The following DLEU7 variants were observed in gnomAD, a reference collection of about 807,000 sequenced individuals.
DLEU7 encodes leukemia-associated protein 7.
In DLEU7, 17 loss-of-function variants were observed where a neutral mutation model predicts 16.0. That is an observed-to-expected ratio of 1.06 (90% CI 0.73 to 1.59). The LOEUF is 1.59. DLEU7 is among the 40% of genes most tolerant of loss of function. The probability of loss-of-function intolerance (pLI) is 0.00; values close to 1 mark genes in which losing one functional copy is unlikely to be tolerated. For missense variants in DLEU7, 308 were observed against 314.9 expected (o/e 0.98, Z 0.17); for synonymous variants, 113 against 139.8 (o/e 0.81, Z 1.35).
intron 1 of DLEU7, among the ~76,000 whole-genome samples, chr13:50,733,615 C>CCA (rs1188815511): frequency 6.6e-5 from 10 of 151,814 alleles, no homozygotes; most frequent in Non-Finnish European, 1.3e-4. Context: ...CTGCCCACAC[C>CCA]CACACACACA....
chr13:50,724,390 G>T (rs573120188), intron 1 of DLEU7, among the ~76,000 whole-genome samples: 43 of 152,198 alleles, frequency 2.8e-4, no homozygotes, highest in Middle Eastern at 3.4e-3. Flanking sequence ...GGGCTCCCAG[G>T]CAACATCAGA....
At position 50,843,682 on chromosome 13, in the gene DLEU7, G is replaced by A. The variant is rs1566272907; in HGVS notation, c.-36C>T. On this transcript the variant is annotated 5_prime_UTR_variant, in exon 1 of 2. Coordinates refer to ENST00000504404, the MANE Select transcript of DLEU7 (RefSeq NM_001306135.2). This position sits in a 1 kb window ranked among gnomAD's most constrained non-coding sequence, Gnocchi z 5.7. ...GGCGGCCCGGCGCGCTCCGCGTGCA[G>A]GTGGAGCAGCAGCGAGGGAGGCGGG... is the stretch of plus-strand genomic sequence containing the variant. The A allele has an allele frequency of 1.3e-6, 2 of 1,496,290 alleles. No homozygotes were observed. The highest frequency in any genetic ancestry group is 2.8e-5 in the East Asian group (1 of 36,260). The allele number at this position is 1,496,290 out of a possible 1,614,324, so 92.7% of individuals were successfully genotyped here.
At chr13:50,813,687 A>AAT (rs1157617596) in intron 1 of DLEU7, among the ~76,000 whole-genome samples, 12 of 152,124 alleles carry the variant, frequency 7.9e-5, no homozygotes, top group African/African-American at 1.9e-4. Flanking sequence ...CATTTTAAGC[A>AAT]ATATATATAT....
intron 1 of DLEU7, among the ~76,000 whole-genome samples, chr13:50,717,425 G>A (rs979849328): frequency 3.9e-5 from 6 of 152,162 alleles, no homozygotes; most frequent in Non-Finnish European, 8.8e-5. Flanking sequence ...CTGGAGAAAG[G>A]CAACTACACT....
intron 1 of DLEU7, among the ~76,000 whole-genome samples, chr13:50,745,110 T>A (rs1874357446): frequency 6.6e-6 from 1 of 152,188 alleles, no homozygotes; most frequent in Non-Finnish European, 1.5e-5. Flanking sequence ...TACAGATGCT[T>A]GTACACCTAT....
chr13:50,805,686 C>G (rs1031596238), intron 1 of DLEU7, among the ~76,000 whole-genome samples: 1 of 152,140 alleles, frequency 6.6e-6, no homozygotes, highest in East Asian at 1.9e-4. Context: ...TGTGCAGTTT[C>G]CTACCACTTC....
chr13:50,823,499 T>A lies in DLEU7; in HGVS notation c.481A>T (p.Ile161Phe). The change falls in exon 2 of 2, where the codon ATC (isoleucine) becomes TTC (phenylalanine). Residue 161 changes from isoleucine (I) to phenylalanine (F), a missense_variant. By Grantham distance (21) the Ile-to-Phe change is conservative. Coordinates refer to ENST00000504404, the MANE Select transcript of DLEU7 (RefSeq NM_001306135.2). ...ATCTGTAGAGCCAAATGACTGCAGA[T>A]GTTTCTAAACTCAACACTATCCTGA... The part of the protein sequence containing the change: ...HLKDSVEFRN[I>F]CSHLALQIEG... The A allele has an allele frequency of 2.6e-6, 4 of 1,535,860 alleles. No homozygotes were observed. Among genetic ancestry groups the A allele is most frequent in the East Asian group, 2.4e-5 (1 of 40,924 alleles).
At chr13:50,809,481 G>GT (rs1482135581) in intron 1 of DLEU7, among the ~76,000 whole-genome samples, 2 of 152,130 alleles carry the variant, frequency 1.3e-5, no homozygotes, top group Non-Finnish European at 2.9e-5. Context: ...GTTAAATGAA[G>GT]TAAAATAACC....
chr13:50,716,530 G>A (rs1358775535), intron 1 of DLEU7, among the ~76,000 whole-genome samples: 2 of 152,150 alleles, frequency 1.3e-5, no homozygotes, highest in Non-Finnish European at 2.9e-5. Flanking sequence ...GTGATGTCAC[G>A]GAAAGAGCAT....
chr13:50,758,903 A>G (rs1430296802), intron 1 of DLEU7, among the ~76,000 whole-genome samples: 1 of 152,220 alleles, frequency 6.6e-6, no homozygotes, highest in Admixed American at 6.5e-5. Context: ...TCCAGCCCAC[A>G]TTCAAGGGGA....
intron 1 of DLEU7, among the ~76,000 whole-genome samples, chr13:50,786,096 C>G (rs1875787454): frequency 6.6e-6 from 1 of 152,106 alleles, no homozygotes; most frequent in South Asian, 2.1e-4. Context: ...CGTGTGACAT[C>G]ATTTTGCTTG....
intron 1 of DLEU7, among the ~76,000 whole-genome samples, chr13:50,733,085 T>C (rs1027973943): frequency 1.3e-5 from 2 of 152,098 alleles, no homozygotes; most frequent in Non-Finnish European, 2.9e-5. Flanking sequence ...CAGAGGGAAA[T>C]AGAAGATCTC....
chr13:50,745,560 A>C (rs1295269482), intron 1 of DLEU7, among the ~76,000 whole-genome samples: 1 of 152,192 alleles, frequency 6.6e-6, no homozygotes, highest in Non-Finnish European at 1.5e-5. Flanking sequence ...TATATTTTAC[A>C]ATATAAAAAA....
intron 1 of DLEU7, among the ~76,000 whole-genome samples, chr13:50,787,052 T>C (rs1875809028): frequency 6.6e-6 from 1 of 152,196 alleles, no homozygotes; most frequent in East Asian, 1.9e-4. Context: ...TTCTCTCCTA[T>C]GATATTGAAA....
intron 1 of DLEU7, among the ~76,000 whole-genome samples, chr13:50,754,367 T>A (rs1874687073): frequency 6.6e-6 from 1 of 152,190 alleles, no homozygotes; most frequent in Non-Finnish European, 1.5e-5. Flanking sequence ...GTTAGATGCA[T>A]ATATGTTTAG....
At chr13:50,825,564 T>G (rs1490609339) in intron 1 of DLEU7, among the ~76,000 whole-genome samples, 1 of 152,190 alleles carries the variant, frequency 6.6e-6, no homozygotes, top group Non-Finnish European at 1.5e-5. Flanking sequence ...ATTCTGTAAT[T>G]TAATTAATAA....
chr13:50,754,420 A>G (rs1406069991), intron 1 of DLEU7, among the ~76,000 whole-genome samples: 2 of 152,228 alleles, frequency 1.3e-5, no homozygotes, highest in Non-Finnish European at 2.9e-5. Context: ...TTACCATTAT[A>G]TAATATCCCT....
chr13:50,736,102 A>G (rs1283831271), intron 1 of DLEU7, among the ~76,000 whole-genome samples: 2 of 152,310 alleles, frequency 1.3e-5, no homozygotes, highest in East Asian at 1.9e-4. Flanking sequence ...CGAAGAATCA[A>G]TCTAAATACC....
intron 1 of DLEU7, among the ~76,000 whole-genome samples, chr13:50,771,169 T>C (rs13258604): frequency 6.6e-6 from 1 of 152,230 alleles, no homozygotes; most frequent in Non-Finnish European, 1.5e-5. Flanking sequence ...TCTTCATTAG[T>C]CTTGCTAGTG....
Sources: gnomAD v4.1 joint callset for allele counts (sites outside exome capture counted in the v4.1 genomes callset) on GRCh38, gnomAD v4.1.1 for gene constraint, Gnocchi (gnomAD v3.1) non-coding constraint, MANE v1.5 for transcripts, NCBI Gene and HGNC (gene_info 2026-07-23, HGNC 2026-07-21) for gene names.